The following IL17RE variants were observed in gnomAD, a reference collection of about 807,000 sequenced individuals.
The protein encoded by IL17RE is interleukin-17 receptor E.
Under a neutral mutation model 70.7 loss-of-function variants are expected in IL17RE, and 47 were observed. The observed-to-expected ratio is 0.67, with a 90% confidence interval of 0.53 to 0.85. The LOEUF (loss-of-function observed/expected upper bound fraction) is 0.85, where lower values mean the gene tolerates loss of function less well. Ranked by LOEUF, IL17RE falls within the 40% of genes least tolerant of loss-of-function variation. The pLI is 0.00. For synonymous variants in IL17RE, 372 were observed against 381.2 expected (o/e 0.98, Z 0.28); for missense variants, 850 against 893.9 (o/e 0.95, Z 0.63).
In IL17RE at chr3:9,906,874, T is replaced by G; in HGVS notation, c.526+9T>G. 6.2e-7 allele frequency: 1 copy of G among 1,614,178 alleles called. No homozygotes were observed. Among genetic ancestry groups the G allele is most frequent in the Non-Finnish European group, 8.5e-7 (1 of 1,180,024 alleles). On this transcript the variant is annotated intron_variant, in intron 5 of 15. Transcript: ENST00000383814. ...CTCACAAAGGCATGGAGGTGGGCAC[T>G]GGGTACAACAGGAGATGGGTTCAGC...
Position 9,907,006 on chromosome 3 carries a change from G to A in IL17RE, c.572G>A (p.Arg191Gln), listed in dbSNP as rs766131618. The A allele has an allele frequency of 5.0e-6, 8 of 1,613,924 alleles. No individual in the cohort carries two copies. Among genetic ancestry groups the A allele is most frequent in the East Asian group, 4.5e-5 (2 of 44,892 alleles). The change falls in exon 6 of 16, where the codon CGG (arginine) becomes CAG (glutamine). Residue 191 changes from arginine to glutamine, a missense_variant. Physicochemically the swap from Arg to Gln is conservative, Grantham distance 43 (BLOSUM62 1). Coordinates refer to ENST00000383814, the MANE Select transcript of IL17RE (RefSeq NM_153480.2). ...FDLLPEARAIRVTISSGPEVS... is the reference protein window; with the variant it reads ...FDLLPEARAIQVTISSGPEVS... ...TTGCTGCCTGAGGCCCGGGCTATTC[G>A]GGTGACCATATCTTCAGGCCCTGAG... is the stretch of plus-strand genomic sequence containing the variant.
intron 13 of IL17RE, 135 bp from the exon 14 acceptor site, chr3:9,914,413 G>C: frequency 6.6e-7 from 1 of 1,518,822 alleles, no homozygotes; most frequent in South Asian, 1.3e-5. Flanking sequence ...CTAGCAGCTG[G>C]AGCAGACACA....
At position 9,906,944 on chromosome 3, in the gene IL17RE, G is replaced by GT; in HGVS notation, c.527-16dup. Reference sequence around the variant, plus strand: ...TAAGGCCAAGAGACAAGGCCACTGAGTCCTTCCTCTCCCCAGGACCCGAGT... The same window carrying GT: ...TAAGGCCAAGAGACAAGGCCACTGAGTTCCTTCCTCTCCCCAGGACCCGAGT... On this transcript the variant is annotated splice_polypyrimidine_tract_variant and intron_variant, in intron 5 of 15. Transcript: ENST00000383814. 6.2e-7 allele frequency: 1 copy of GT among 1,614,184 alleles called. No individual in the cohort carries two copies. The highest frequency in any genetic ancestry group is 8.5e-7 in the Non-Finnish European group (1 of 1,180,036).
rs770415156 is a variant in IL17RE at position 9,914,728 on chromosome 3, C to T, written c.1398C>T (p.Leu466=). The T allele has an allele frequency of 6.2e-7, 1 of 1,614,130 alleles. No homozygotes were observed. The highest frequency in any genetic ancestry group is 1.7e-5 in the Admixed American group (1 of 60,018). The change falls in exon 15 of 16, where the codon CTC becomes CTT. Residue 466 remains leucine (L), a synonymous_variant. Coordinates refer to ENST00000383814, the MANE Select transcript of IL17RE (RefSeq NM_153480.2). ...TGATCCTGGCACTGCTGGCCCTCCT[C>T]ACCCTACTGGGTGTTGTTCTGGCCC... ...GLLILALLAL[L]TLLGVVLALT...
chr3:9,914,371 A>C, intron 13 of IL17RE, 177 bp from the exon 14 acceptor site: 1 of 1,472,430 alleles, frequency 6.8e-7, no homozygotes, highest in Admixed American at 2.6e-5. Context: ...GTCACACTTG[A>C]GTTTGCCACC....
chr3:9,914,338 T>C, intron 13 of IL17RE: 2 of 1,361,852 alleles, frequency 1.5e-6, no homozygotes, highest in South Asian at 1.5e-5. Flanking sequence ...CAACTTTGAG[T>C]TTACTTTTTG....
Position 9,909,265 on chromosome 3 carries a change from C to G in IL17RE, c.784C>G (p.Gln262Glu). 1 of 1,614,030 alleles carries G rather than the reference C, an allele frequency of 6.2e-7. No individual in the cohort carries two copies. The highest frequency in any genetic ancestry group is 8.5e-7 in the Non-Finnish European group (1 of 1,179,970). Residue 262 changes from glutamine to glutamate, a missense_variant, in exon 8 of 16, where the codon CAG becomes GAG. Physicochemically the swap from Gln to Glu is conservative, Grantham distance 29. Coordinates refer to ENST00000383814, the MANE Select transcript of IL17RE (RefSeq NM_153480.2). ...TGTGAGGCGCAAAAAATGTCCCTTC[C>G]AGAGCTGGCCAGAAGCCTGTGAGTG... ...DTVRRKKCPF[Q>E]SWPEAYGSDF...
rs199961502 is a variant in IL17RE, at chr3:9,907,374, A to AAAAT, written c.666+287_666+290dup. ...GCAACATAGTGAAACCCTGCTGCTA[A>AAAAT]AAATAAATAAATAAATTAATTAATT... On this transcript the variant is annotated intron_variant, in intron 6 of 15. Coordinates refer to ENST00000383814, the MANE Select transcript of IL17RE (RefSeq NM_153480.2). Among the ~76,000 whole-genome samples, 1,243 of 151,688 alleles carry AAAAT rather than the reference A, an allele frequency of 8.2e-3. 13 individuals carry two copies. Among genetic ancestry groups the AAAAT allele is most frequent in the African/African-American group, 0.029 (1,186 of 41,152 alleles).
At chr3:9,909,427 T>C in intron 8 of IL17RE, 144 bp downstream of exon 8, 1 of 733,912 alleles carries the variant, frequency 1.4e-6, no homozygotes, top group Non-Finnish European at 2.3e-6. Flanking sequence ...TGCAGGTACT[T>C]TCCCTGGAGT....
intron 12 of IL17RE, among the ~76,000 whole-genome samples, chr3:9,912,697 A>C (rs954397362): frequency 3.3e-5 from 5 of 152,218 alleles, no homozygotes; most frequent in African/African-American, 4.8e-5. Flanking sequence ...GACAGGTGAT[A>C]GCAACACAGT....
In IL17RE at chr3:9,909,374, C is replaced by CACACACA. The variant is rs60406150; in HGVS notation, c.802+91_802+92insACACACA. ...ACATGTACACACACACACACACACA[C>CACACACA]CCCGCACTTCACACATGTGCTGGGG... On this transcript the variant is annotated intron_variant, in intron 8 of 15. Transcript: ENST00000383814. 3 of 1,109,178 alleles carry CACACACA rather than the reference C, an allele frequency of 2.7e-6. No homozygotes were observed. The African/African-American group carries it at 4.6e-5, about 17-fold the overall frequency. The allele number at this position is 1,109,178 out of a possible 1,614,324, so 68.7% of individuals were successfully genotyped here.
chr3:9,905,347 T>A (rs2082728805), intron 3 of IL17RE, among the ~76,000 whole-genome samples: 1 of 151,562 alleles, frequency 6.6e-6, no homozygotes, highest in East Asian at 2.0e-4. Context: ...TCCCAGCTAC[T>A]CAGGAGGCTG....
chr3:9,903,322 A>C, intron 1 of IL17RE, 75 bp from the exon 2 acceptor site: 4 of 1,537,342 alleles, frequency 2.6e-6, no homozygotes, highest in Non-Finnish European at 3.6e-6. Context: ...CAAAGACCCC[A>C]GGAATGTGCC....
chr3:9,911,579 C>T lies in IL17RE; in HGVS notation c.1209C>T (p.Pro403=), dbSNP rs201832416. The change falls in exon 12 of 16, where the codon CCC becomes CCT. Residue 403 remains proline (P), a synonymous_variant. Transcript: ENST00000383814. ...PGLGQDTLVP[P]VYTVSQARGS... ...TGGGGCAGGACACTTTGGTGCCCCCCGTGTACACTGTCAGCCAGGTATGGC... is the reference window on the plus strand; with the variant it reads ...TGGGGCAGGACACTTTGGTGCCCCCTGTGTACACTGTCAGCCAGGTATGGC... 4.7e-5 allele frequency: 76 copies of T among 1,613,318 alleles called. No individual in the cohort carries two copies. The East Asian group carries it at 1.4e-3, about 31-fold the overall frequency.
chr3:9,908,200 T>G (rs376508447), intron 6 of IL17RE, 39 bp from the exon 7 acceptor site: 2 of 1,573,458 alleles, frequency 1.3e-6, no homozygotes, highest in Non-Finnish European at 1.7e-6. Flanking sequence ...ATGCTCTTTC[T>G]CAGGCATCTT....
intron 4 of IL17RE, 60 bp from the exon 5 acceptor site, chr3:9,906,646 G>T: frequency 6.2e-7 from 1 of 1,600,258 alleles, no homozygotes; most frequent in South Asian, 1.1e-5. Context: ...TCCAGAGGCA[G>T]AAACAGAAGC....
Position 9,915,383 on chromosome 3 carries a change from G to A in IL17RE, c.1580G>A (p.Trp527Ter). 7.3e-7 allele frequency: 1 copy of A among 1,366,616 alleles called. No individual in the cohort carries two copies. The allele number at this position is 1,366,616 out of a possible 1,614,324, so 84.7% of individuals were successfully genotyped here. A position where few individuals can be genotyped will look rare whatever the true frequency, so the allele number is the denominator to read the frequency against. Residue 527 changes from tryptophan to a stop codon, truncating the protein, a stop_gained, in exon 16 of 16, where the codon TGG becomes TAG. Transcript: ENST00000383814. LOFTEE classifies it low-confidence loss of function (END_TRUNC). The surrounding 1 kb of genome is among the most constrained non-coding windows in gnomAD (Gnocchi z 4.9). Reference sequence around the variant, plus strand: ...GGGCGCGACGTGATCGTGGACCTGTGGGAGGGGAGGCACGTGGCGCGCGTG... The same window carrying A: ...GGGCGCGACGTGATCGTGGACCTGTAGGAGGGGAGGCACGTGGCGCGCGTG... ...GGGRDVIVDL[W>*]EGRHVARVGP...
At chr3:9,909,440 G>C (rs2082840422) in intron 8 of IL17RE, 157 bp downstream of exon 8, 2 of 692,692 alleles carry the variant, frequency 2.9e-6, no homozygotes, top group South Asian at 3.6e-5. Flanking sequence ...CCTGGAGTCA[G>C]TGGGGGGAAA....
rs769336537 is a variant in IL17RE at position 9,904,034 on chromosome 3, A to G, written c.151A>G (p.Ser51Gly). ...ASHTDDSFTGSSAYIPCRTWW... is the reference protein window; with the variant it reads ...ASHTDDSFTGGSAYIPCRTWW... ...GCTTTCCCTTCCATCTTTCCCAGGA[A>G]GTTCTGCCTATATCCCTTGCCGCAC... The change falls in exon 3 of 16, where the codon AGT (serine) becomes GGT (glycine). Residue 51 changes from serine (S) to glycine (G), a missense_variant and splice_region_variant. Ser to Gly is a moderately conservative substitution (Grantham distance 56, BLOSUM62 0). Transcript: ENST00000383814. 7 of 1,613,962 alleles carry G rather than the reference A, an allele frequency of 4.3e-6. No homozygotes were observed. The highest frequency in any genetic ancestry group is 1.7e-5 in the Admixed American group (1 of 60,000).
Sources: allele counts gnomAD v4.1 joint callset (sites outside exome capture counted in the v4.1 genomes callset), GRCh38; gene constraint gnomAD v4.1.1; non-coding constraint Gnocchi (gnomAD v3.1); transcripts MANE v1.5; gene names NCBI Gene and HGNC (gene_info 2026-07-23, HGNC 2026-07-21).